The following SKOR1 variants were observed in gnomAD, a reference collection of about 807,000 sequenced individuals.
The protein encoded by SKOR1 is SKI family transcriptional corepressor 1.
In SKOR1, 38 loss-of-function variants were observed where a neutral mutation model predicts 72.4. The observed-to-expected ratio is 0.52, with a 90% CI of 0.40 to 0.69. SKOR1 has a LOEUF of 0.69. Ranked by LOEUF, SKOR1 falls within the 30% of genes least tolerant of loss-of-function variation. The probability of loss-of-function intolerance (pLI) is 0.00; values close to 1 mark genes in which losing one functional copy is unlikely to be tolerated. For missense variants in SKOR1, 1,320 were observed against 1,343.2 expected (o/e 0.98, Z 0.27); for synonymous variants, 642 against 599.4 (o/e 1.07, Z -1.04).
rs3959698 is a variant in SKOR1, at chr15:67,830,758, C to T, written c.2516-60C>T. The T allele has an allele frequency of 7.9e-4, 1,226 of 1,543,304 alleles. 13 individuals carry two copies. In the African/African-American group the frequency reaches 0.014, roughly 18 times the overall value. On this transcript the variant is annotated intron_variant, in intron 4 of 8. Transcript: ENST00000380035. The stretch of plus-strand genomic sequence containing the variant: ...TCGATGTGGTTCCTGGGAAGCTCAC[C>T]CCTCCCCTCTCAAGGGCTTTCCTAG...
chr15:67,829,268 C>G lies in SKOR1; in HGVS notation c.2406C>G (p.His802Gln). Residue 802 changes from histidine (H) to glutamine (Q), a missense_variant and splice_region_variant, in exon 3 of 9, where the codon CAC becomes CAG. His to Gln is a conservative substitution (Grantham distance 24). Coordinates refer to ENST00000380035, the MANE Select transcript of SKOR1 (RefSeq NM_001365915.1). ...AASYVCTPEA[H>Q]EPDKEDNHSP... ...CCTACGTCTGCACCCCCGAGGCCCA[C>G]GGTAACGCCTGTCGCGGCCGCTGGC... 1 of 1,546,998 alleles carries G rather than the reference C, an allele frequency of 6.5e-7. No individual in the cohort carries two copies. The highest frequency in any genetic ancestry group is 1.2e-5 in the South Asian group (1 of 84,928).
intron 3 of SKOR1, among the ~76,000 whole-genome samples, chr15:67,829,544 C>T (rs2090991899): frequency 6.6e-6 from 1 of 152,230 alleles, no homozygotes; most frequent in Admixed American, 6.5e-5. Context: ...CAAAATCACG[C>T]CCGACACGGC....
At position 67,833,920 on chromosome 15, in the gene SKOR1, C is replaced by T. The variant is rs1002939418; in HGVS notation, c.*84C>T. ...TGCTGCGGTGGCCCTGAGCGAGGAACAAGCCATTCGGACCCGACCGATGTA... is the reference window on the plus strand; with the variant it reads ...TGCTGCGGTGGCCCTGAGCGAGGAATAAGCCATTCGGACCCGACCGATGTA... On this transcript the variant is annotated 3_prime_UTR_variant, in exon 9 of 9. Coordinates refer to ENST00000380035, the MANE Select transcript of SKOR1 (RefSeq NM_001365915.1). The surrounding 1 kb of genome is among the most constrained non-coding windows in gnomAD (Gnocchi z 6.0). 6.9e-7 allele frequency: 1 copy of T among 1,445,898 alleles called. No individual in the cohort carries two copies. The highest frequency in any genetic ancestry group is 9.6e-7 in the Non-Finnish European group (1 of 1,041,930). The allele number at this position is 1,445,898 out of a possible 1,614,324, so 89.6% of individuals were successfully genotyped here.
chr15:67,832,695 C>A lies in SKOR1; in HGVS notation c.2737+14C>A. The stretch of plus-strand genomic sequence containing the variant: ...AAATTGTCAGAGGTAAGACGGGAGT[C>A]AGGTGAGCTCGTGCACGGGCCGTAA... On this transcript the variant is annotated intron_variant, in intron 7 of 8. Transcript: ENST00000380035. The surrounding 1 kb of genome is among the most constrained non-coding windows in gnomAD (Gnocchi z 4.5). 1 of 1,612,552 alleles carries A rather than the reference C, an allele frequency of 6.2e-7. No homozygotes were observed. Among genetic ancestry groups the A allele is most frequent in the South Asian group, 1.1e-5 (1 of 90,976 alleles).
In SKOR1 at chr15:67,830,314, AACCC is replaced by A; in HGVS notation, c.2515+18_2515+21del. On this transcript the variant is annotated intron_variant, in intron 4 of 8. Transcript: ENST00000380035. ...ACAGACAGAGGTGAGCCAGCCCTTGAACCCATCGCTCTCCACCGCACCCAGGAGC... is the reference window on the plus strand; with the variant it reads ...ACAGACAGAGGTGAGCCAGCCCTTGAATCGCTCTCCACCGCACCCAGGAGC... The A allele has an allele frequency of 6.2e-7, 1 of 1,611,936 alleles. No homozygotes were observed. Among genetic ancestry groups the A allele is most frequent in the Non-Finnish European group, 8.5e-7 (1 of 1,178,128 alleles).
rs28410827 is a variant in SKOR1 at position 67,828,289 on chromosome 15, T to C, written c.2316+145T>C. ...CGGCCACTCTCCGCAGGCCCAGCCT[T>C]GGGCGCGCTGCGAAACTGGGCCCAC... is the stretch of plus-strand genomic sequence containing the variant. On this transcript the variant is annotated intron_variant, in intron 2 of 8. Coordinates refer to ENST00000380035, the MANE Select transcript of SKOR1 (RefSeq NM_001365915.1). 1.5e-5 allele frequency: 20 copies of C among 1,326,858 alleles called. No individual in the cohort carries two copies. In the African/African-American group the frequency reaches 1.7e-4, roughly 11 times the overall value. The allele number at this position is 1,326,858 out of a possible 1,614,324, so 82.2% of individuals were successfully genotyped here.
chr15:67,833,403 A>G lies in SKOR1; in HGVS notation c.2803+146A>G. 1 of 921,546 alleles carries G rather than the reference A, an allele frequency of 1.1e-6. No individual in the cohort carries two copies. The highest frequency in any genetic ancestry group is 2.6e-5 in the East Asian group (1 of 38,002). 57.1% of individuals were successfully genotyped at this position (921,546 alleles called of 1,614,324 possible). On this transcript the variant is annotated intron_variant, in intron 8 of 8. Transcript: ENST00000380035. This position sits in a 1 kb window ranked among gnomAD's most constrained non-coding sequence, Gnocchi z 6.0. ...GGGAGAAAAGTGGGAACTGATTTTA[A>G]CGGGAAGATTATTCTAGGATGGTGG...
At position 67,832,209 on chromosome 15, in the gene SKOR1, G is replaced by A; in HGVS notation, c.2588-65G>A. ...CCTTTCAGGGTTGTTGGCCAAGGCA[G>A]AACCTGAGCTCCAAATAACCCTGCT... is the stretch of plus-strand genomic sequence containing the variant. On this transcript the variant is annotated intron_variant, in intron 5 of 8. Transcript: ENST00000380035. The surrounding 1 kb of genome is among the most constrained non-coding windows in gnomAD (Gnocchi z 4.5). 6.6e-7 allele frequency: 1 copy of A among 1,515,768 alleles called. No individual in the cohort carries two copies. The highest frequency in any genetic ancestry group is 9.2e-7 in the Non-Finnish European group (1 of 1,092,894). The allele number at this position is 1,515,768 out of a possible 1,614,324, so 93.9% of individuals were successfully genotyped here. A position where few individuals can be genotyped will look rare whatever the true frequency, so the allele number is the denominator to read the frequency against.
At chr15:67,829,290 T>G in intron 3 of SKOR1, 21 bp downstream of exon 3, 1 of 1,532,396 alleles carries the variant, frequency 6.5e-7, no homozygotes, top group Non-Finnish European at 8.7e-7. Flanking sequence ...TCGCGGCCGC[T>G]GGCCACTGTA....
Position 67,834,061 on chromosome 15 carries a change from G to C in SKOR1, c.*225G>C. Reference sequence around the variant, plus strand: ...TTTCCAAGTGTAAATACCGCCTCGCGCCTCAAATCCCCCTACCCCGTGTGA... The same window carrying C: ...TTTCCAAGTGTAAATACCGCCTCGCCCCTCAAATCCCCCTACCCCGTGTGA... On this transcript the variant is annotated 3_prime_UTR_variant, in exon 9 of 9. Transcript: ENST00000380035. The surrounding 1 kb of genome is among the most constrained non-coding windows in gnomAD (Gnocchi z 5.8). 2 of 593,652 alleles carry C rather than the reference G, an allele frequency of 3.4e-6. No individual in the cohort carries two copies. The highest frequency in any genetic ancestry group is 1.9e-5 in the South Asian group (1 of 53,282). The allele number at this position is 593,652 out of a possible 1,614,324, so 36.8% of individuals were successfully genotyped here. A position where few individuals can be genotyped will look rare whatever the true frequency, so the allele number is the denominator to read the frequency against.
chr15:67,830,914 T>G (rs779289258), intron 5 of SKOR1, 25 bp downstream of exon 5: 1 of 1,609,986 alleles, frequency 6.2e-7, no homozygotes, highest in South Asian at 1.1e-5. Flanking sequence ...GTGAAAAAGG[T>G]GTACGCTGTG....
In SKOR1 at chr15:67,832,442, G is replaced by C; in HGVS notation, c.2662+94G>C. ...CCGAAAGCCGGGTGCCAGGCAACTG[G>C]TACTAGGTGCCCTGCAGGAGACAAG... On this transcript the variant is annotated intron_variant, in intron 6 of 8. Transcript: ENST00000380035. The surrounding 1 kb of genome is among the most constrained non-coding windows in gnomAD (Gnocchi z 4.5). 7.0e-7 allele frequency: 1 copy of C among 1,420,080 alleles called. No individual in the cohort carries two copies. The highest frequency in any genetic ancestry group is 9.9e-7 in the Non-Finnish European group (1 of 1,010,566). The allele number at this position is 1,420,080 out of a possible 1,614,324, so 88.0% of individuals were successfully genotyped here. A position where few individuals can be genotyped will look rare whatever the true frequency, so the allele number is the denominator to read the frequency against.
chr15:67,829,299 T>C (rs1003870479), intron 3 of SKOR1, 30 bp downstream of exon 3: 44 of 1,507,438 alleles, frequency 2.9e-5, no homozygotes, highest in Middle Eastern at 1.7e-4. Flanking sequence ...CTGGCCACTG[T>C]AATGGGGGAA....
Position 67,826,618 on chromosome 15 carries a change from TG to T in SKOR1, c.793del (p.Glu265ArgfsTer110). The T allele has an allele frequency of 6.2e-7, 1 of 1,613,480 alleles. No homozygotes were observed. Among genetic ancestry groups the T allele is most frequent in the Non-Finnish European group, 8.5e-7 (1 of 1,179,818 alleles). On this transcript the variant is annotated frameshift_variant, in exon 2 of 9. Coordinates refer to ENST00000380035, the MANE Select transcript of SKOR1 (RefSeq NM_001365915.1). LOFTEE classifies it high-confidence loss of function. Reference protein sequence around the residue: ...KSATDELSHAWEDVKAMFNGG... With the variant: ...KSATDELSHAXEDVKAMFNGG... ...GGCCACAGACGAACTGAGCCATGCTTGGGAGGACGTCAAGGCCATGTTTAAT... is the reference window on the plus strand; with the variant it reads ...GGCCACAGACGAACTGAGCCATGCTTGGAGGACGTCAAGGCCATGTTTAAT...
intron 3 of SKOR1, among the ~76,000 whole-genome samples, chr15:67,829,835 T>C (rs2090994692): frequency 6.6e-6 from 1 of 150,524 alleles, no homozygotes; most frequent in East Asian, 2.0e-4. Flanking sequence ...GGTCGCAGCC[T>C]GGGCCGCGTT....
At chr15:67,830,087 C>A (rs2090996949) in intron 3 of SKOR1, 104 bp from the exon 4 acceptor site, 1 of 1,182,248 alleles carries the variant, frequency 8.5e-7, no homozygotes, top group African/African-American at 1.5e-5. Flanking sequence ...GAGGCGGCCA[C>A]GACGCTTTTA....
chr15:67,826,482 G>T lies in SKOR1; in HGVS notation c.654G>T (p.Ser218=), dbSNP rs1272203249. 1 of 1,613,998 alleles carries T rather than the reference G, an allele frequency of 6.2e-7. No homozygotes were observed. Among genetic ancestry groups the T allele is most frequent in the Non-Finnish European group, 8.5e-7 (1 of 1,179,914 alleles). The part of the protein sequence containing the change: ...IKCGYCSMYF[S]PNKFIFHSHR... ...GCGGCTACTGCAGCATGTACTTCTC[G>T]CCCAACAAGTTCATCTTCCACTCGC... Residue 218 remains serine, a synonymous_variant, in exon 2 of 9, where the codon TCG becomes TCT. Transcript: ENST00000380035.
rs763768749 is a variant in SKOR1 at position 67,832,658 on chromosome 15, T to C, written c.2714T>C (p.Val905Ala). The C allele has an allele frequency of 6.2e-7, 1 of 1,614,014 alleles. No homozygotes were observed. The highest frequency in any genetic ancestry group is 2.2e-5 in the East Asian group (1 of 44,884). The change falls in exon 7 of 9, where the codon GTG becomes GCG. Residue 905 changes from valine to alanine, a missense_variant. Around this residue, in one of 3 missense-constraint regions of SKOR1, gnomAD observed 1,099 missense variants for 1,025.5 expected, o/e 1.07. Transcript: ENST00000380035. The surrounding 1 kb of genome is among the most constrained non-coding windows in gnomAD (Gnocchi z 4.5). ...KRELAYREEM[V>A]QQLQIVRDTL... ...GAATTGGCTTATCGAGAAGAAATGG[T>C]GCAACAGCTGCAAATTGTCAGAGGT...
intron 5 of SKOR1, 100 bp downstream of exon 5, chr15:67,830,989 ACACT>A: frequency 8.1e-7 from 1 of 1,239,078 alleles, no homozygotes; most frequent in Admixed American, 1.7e-5. Flanking sequence ...TGTGGAAAAG[ACACT>A]CACCAAGGCC....
Sources: allele counts gnomAD v4.1 joint callset (sites outside exome capture counted in the v4.1 genomes callset), GRCh38; gene constraint gnomAD v4.1.1; regional missense constraint gnomAD v4.1.1; non-coding constraint Gnocchi (gnomAD v3.1); transcripts MANE v1.5; gene names NCBI Gene and HGNC (gene_info 2026-07-23, HGNC 2026-07-21).